ZFHX3: variants seen among roughly 807,000 people sequenced by gnomAD.
ZFHX3 encodes zinc finger homeobox 3.
In ZFHX3, 42 loss-of-function variants were observed where a neutral mutation model predicts 279.1. The observed-to-expected ratio is 0.15, with a 90% CI of 0.12 to 0.19. The LOEUF is 0.19. ZFHX3 is among the 10% of genes least tolerant of loss of function. ZFHX3 has a pLI of 1.00. For synonymous variants in ZFHX3, 2,293 were observed against 1,957.8 expected (o/e 1.17, Z -4.52); for missense variants, 4,981 against 4,754.0 (o/e 1.05, Z -1.40).
At chr16:73,444,772 C>T (rs139406337) in intron 3 of ZFHX3, among the ~76,000 whole-genome samples, 9 of 152,262 alleles carry the variant, frequency 5.9e-5, no homozygotes, top group African/African-American at 1.9e-4. Flanking sequence ...CAGCATGCAA[C>T]ACCATGCATG....
chr16:73,113,747 G>T (rs960813877), intron 7 of ZFHX3, among the ~76,000 whole-genome samples: 6 of 146,928 alleles, frequency 4.1e-5, no homozygotes, highest in African/African-American at 7.5e-5. Flanking sequence ...TGGGCGGAAG[G>T]TTAAAACAAA....
At chr16:72,910,855 T>C (rs1357040056) in intron 3 of ZFHX3, among the ~76,000 whole-genome samples, 1 of 152,150 alleles carries the variant, frequency 6.6e-6, no homozygotes, top group Non-Finnish European at 1.5e-5. Context: ...ATGTCAGCAA[T>C]TACCTAGAAA....
chr16:72,892,846 C>T (rs2038808049), intron 3 of ZFHX3, among the ~76,000 whole-genome samples: 1 of 152,148 alleles, frequency 6.6e-6, no homozygotes, highest in South Asian at 2.1e-4. Context: ...ACCTCACTGC[C>T]TTCTCTGTGA....
intron 3 of ZFHX3, among the ~76,000 whole-genome samples, chr16:73,368,479 G>C (rs1303818476): frequency 6.6e-6 from 1 of 152,022 alleles, no homozygotes; most frequent in African/African-American, 2.4e-5. Flanking sequence ...TCATGCTAAG[G>C]GTCAACATAT....
At chr16:73,778,550 C>A (rs1959343205) in intron 1 of ZFHX3, among the ~76,000 whole-genome samples, 1 of 152,242 alleles carries the variant, frequency 6.6e-6, no homozygotes, top group African/African-American at 2.4e-5. Context: ...TGGGTTCTAA[C>A]TATTTTCCAA....
intron 2 of ZFHX3, among the ~76,000 whole-genome samples, chr16:72,956,674 G>A (rs1193562581): frequency 6.6e-6 from 1 of 152,164 alleles, no homozygotes; most frequent in Non-Finnish European, 1.5e-5. Flanking sequence ...CGCTAACCAG[G>A]ATCTAACTGC....
chr16:73,127,457 C>A (rs370213262), intron 7 of ZFHX3: 1 of 1,305,350 alleles, frequency 7.7e-7, no homozygotes, highest in African/African-American at 1.5e-5. Flanking sequence ...AGACATCAAG[C>A]GAGAGCCGGG....
intron 1 of ZFHX3, among the ~76,000 whole-genome samples, chr16:73,036,187 G>A (rs1323052996): frequency 6.6e-6 from 1 of 152,220 alleles, no homozygotes; most frequent in African/African-American, 2.4e-5. Context: ...AGGGCTGCGG[G>A]AGGAAGGTGC....
At chr16:73,047,040 T>G (rs1401298468) in intron 1 of ZFHX3, among the ~76,000 whole-genome samples, 1 of 152,180 alleles carries the variant, frequency 6.6e-6, no homozygotes, top group African/African-American at 2.4e-5. Flanking sequence ...CTCCAGGCCT[T>G]TTCCTATCAT....
At chr16:73,732,950 A>G in intron 1 of ZFHX3, among the ~76,000 whole-genome samples, 1 of 152,184 alleles carries the variant, frequency 6.6e-6, no homozygotes, top group Non-Finnish European at 1.5e-5. Context: ...ATATAGAAAG[A>G]AGTCTGTATA....
At chr16:73,648,436 T>C (rs2052640388) in intron 2 of ZFHX3, among the ~76,000 whole-genome samples, 1 of 152,204 alleles carries the variant, frequency 6.6e-6, no homozygotes, top group Admixed American at 6.5e-5. Flanking sequence ...TCACCCAGGC[T>C]GGAGTTGCAA....
intron 1 of ZFHX3, among the ~76,000 whole-genome samples, chr16:73,768,045 A>C (rs1468598515): frequency 2.0e-5 from 3 of 152,280 alleles, no homozygotes; most frequent in South Asian, 2.1e-4. Context: ...TAGCCACATG[A>C]GAAGGGTACC....
chr16:72,928,955 T>C (rs951894948), intron 3 of ZFHX3, among the ~76,000 whole-genome samples: 1 of 151,570 alleles, frequency 6.6e-6, no homozygotes, highest in Non-Finnish European at 1.5e-5. Flanking sequence ...GAATGAGGCT[T>C]GGCTGGGTGC....
At chr16:73,884,619 C>T (rs553232915) in intron 1 of ZFHX3, among the ~76,000 whole-genome samples, 7 of 152,284 alleles carry the variant, frequency 4.6e-5, no homozygotes, top group East Asian at 3.9e-4. Context: ...GAAATGACCA[C>T]GGTTGACAGC....
At chr16:72,934,561 CTA>C (rs1960010976) in intron 3 of ZFHX3, among the ~76,000 whole-genome samples, 1 of 152,224 alleles carries the variant, frequency 6.6e-6, no homozygotes, top group African/African-American at 2.4e-5. Flanking sequence ...GTTCACCTTT[CTA>C]TATGATTCTA....
intron 2 of ZFHX3, chr16:73,483,269 C>T (rs532362181): frequency 2.5e-6 from 1 of 407,930 alleles, no homozygotes; most frequent in East Asian, 7.5e-5. Flanking sequence ...AGGACAAATG[C>T]GTACGCATAG....
At chr16:73,370,135 G>C (rs2016599904) in intron 3 of ZFHX3, among the ~76,000 whole-genome samples, 2 of 152,184 alleles carry the variant, frequency 1.3e-5, no homozygotes, top group African/African-American at 4.8e-5. Flanking sequence ...CAGTGAGAAT[G>C]GATAAACCAC....
At chr16:73,727,019 G>C (rs898537142) in intron 1 of ZFHX3, among the ~76,000 whole-genome samples, 3 of 152,198 alleles carry the variant, frequency 2.0e-5, no homozygotes, top group African/African-American at 7.2e-5. Flanking sequence ...CTCAGGACTA[G>C]AGGTAGGATC....
At chr16:72,872,364 G>T (rs1017710867) in intron 4 of ZFHX3, among the ~76,000 whole-genome samples, 19 of 152,002 alleles carry the variant, frequency 1.2e-4, no homozygotes, top group African/African-American at 4.6e-4. Context: ...CCTCTTTAAG[G>T]CTTTCTTTTT....
Sources: allele counts gnomAD v4.1 joint callset (sites outside exome capture counted in the v4.1 genomes callset), GRCh38; gene constraint gnomAD v4.1.1; transcripts MANE v1.5; gene names NCBI Gene and HGNC (gene_info 2026-07-23, HGNC 2026-07-21).